Variants in CCDC178 observed in about 807,000 individuals in gnomAD.
CCDC178 encodes the protein coiled-coil domain containing 178.
A neutral mutation model predicts 117.4 loss-of-function variants in CCDC178; 126 were observed. The ratio of observed to expected loss-of-function variants is 1.07; its 90% CI spans 0.93 to 1.24. The LOEUF is 1.24. Ranked by LOEUF, CCDC178 falls within the 50% of genes most tolerant of loss-of-function variation. The pLI, the probability that CCDC178 is intolerant of heterozygous loss-of-function variation, is 0.00. For missense variants in CCDC178, 1,030 were observed against 986.9 expected (o/e 1.04, Z -0.59); for synonymous variants, 283 against 313.4 (o/e 0.90, Z 1.02).
At chr18:33,437,050 T>C (rs1463010356) in intron 2 of CCDC178, among the ~76,000 whole-genome samples, 2 of 152,196 alleles carry the variant, frequency 1.3e-5, no homozygotes, top group South Asian at 2.1e-4. Context: ...ACCGAGCAAA[T>C]GGAGTTTCTT....
intron 15 of CCDC178, among the ~76,000 whole-genome samples, chr18:33,241,429 CGTGTGT>C (rs60878431): frequency 0.77 from 111,170 of 144,890 alleles, 43,061 homozygotes; most frequent in East Asian, 0.94. Flanking sequence ...ATTATATGAT[CGTGTGT>C]GTGTGTGTGT....
intron 21 of CCDC178, among the ~76,000 whole-genome samples, chr18:33,077,507 AAAT>A (rs1003096303): frequency 1.3e-3 from 197 of 152,224 alleles, no homozygotes; most frequent in African/African-American, 4.5e-3. Flanking sequence ...TTTTTGAAAA[AAAT>A]AATAATATAG....
intron 20 of CCDC178, among the ~76,000 whole-genome samples, chr18:33,170,819 T>C (rs914256247): frequency 1.3e-5 from 2 of 152,188 alleles, no homozygotes; most frequent in African/African-American, 2.4e-5. Flanking sequence ...GAGAACCAAT[T>C]AAATAGATGT....
At chr18:33,079,942 T>C (rs1463391432) in intron 21 of CCDC178, among the ~76,000 whole-genome samples, 2 of 152,184 alleles carry the variant, frequency 1.3e-5, no homozygotes, top group East Asian at 1.9e-4. Context: ...CCCAGAGGAA[T>C]AGAAATCATT....
intron 11 of CCDC178, among the ~76,000 whole-genome samples, chr18:33,302,897 A>G (rs969974081): frequency 1.3e-5 from 2 of 152,124 alleles, no homozygotes; most frequent in African/African-American, 4.8e-5. Context: ...AGATTTTTCA[A>G]AGGATACACA....
intron 4 of CCDC178, among the ~76,000 whole-genome samples, chr18:33,396,935 G>A (rs956151041): frequency 2.1e-4 from 32 of 151,904 alleles, no homozygotes; most frequent in African/African-American, 3.1e-4. Flanking sequence ...TATTCAAAAC[G>A]AAAAAGGAAA....
chr18:33,306,580 T>TTA (rs1355070611), intron 11 of CCDC178, among the ~76,000 whole-genome samples: 3 of 147,890 alleles, frequency 2.0e-5, no homozygotes, highest in Non-Finnish European at 4.5e-5. Context: ...TAATATATGG[T>TTA]TATATATATG....
At chr18:33,293,964 GA>G (rs1213563155) in intron 11 of CCDC178, among the ~76,000 whole-genome samples, 1 of 151,488 alleles carries the variant, frequency 6.6e-6, no homozygotes, top group Non-Finnish European at 1.5e-5. Flanking sequence ...GAAAGGTAAG[GA>G]AAAAAAAGAT....
At chr18:33,141,370 C>G (rs1348414867) in intron 20 of CCDC178, among the ~76,000 whole-genome samples, 1 of 152,126 alleles carries the variant, frequency 6.6e-6, no homozygotes, top group Non-Finnish European at 1.5e-5. Flanking sequence ...AAATGTATCT[C>G]TGGCCTAGCC....
intron 21 of CCDC178, among the ~76,000 whole-genome samples, chr18:33,005,853 G>A (rs913204078): frequency 1.3e-5 from 2 of 152,014 alleles, no homozygotes; most frequent in Non-Finnish European, 2.9e-5. Context: ...CCTACCAGTA[G>A]TGAAAACCTG....
At chr18:33,138,665 C>G (rs761374561) in intron 20 of CCDC178, among the ~76,000 whole-genome samples, 1 of 152,142 alleles carries the variant, frequency 6.6e-6, no homozygotes, top group African/African-American at 2.4e-5. Flanking sequence ...TATTTCATTT[C>G]ATTCATAATT....
At chr18:33,224,753 T>C (rs768039911) in intron 17 of CCDC178, 22 bp downstream of exon 17, 1 of 1,395,602 alleles carries the variant, frequency 7.2e-7, no homozygotes, top group Admixed American at 2.6e-5. Flanking sequence ...CACATTAATT[T>C]TTGGATTAAT....
In CCDC178 at chr18:33,085,339, G is replaced by A. The variant is rs372982808; in HGVS notation, c.2388+7422C>T. Among the ~76,000 whole-genome samples, 24 of 152,250 alleles carry A rather than the reference G, an allele frequency of 1.6e-4. No individual in the cohort carries two copies. In the East Asian group the frequency reaches 2.9e-3, roughly 18 times the overall value. On this transcript the variant is annotated intron_variant, in intron 21 of 22. Coordinates refer to ENST00000383096, the MANE Select transcript of CCDC178 (RefSeq NM_001105528.4). The stretch of plus-strand genomic sequence containing the variant: ...GGCACTTTGGGAGGCCGAGGCGGGC[G>A]GATCACGAGGTCAGGGGATCGAGAC...
At chr18:33,367,046 A>G (rs371690428) in intron 6 of CCDC178, among the ~76,000 whole-genome samples, 5 of 152,012 alleles carry the variant, frequency 3.3e-5, no homozygotes, top group African/African-American at 7.2e-5. Context: ...CCCAGCGCAC[A>G]TTCATATTTA....
intron 21 of CCDC178, among the ~76,000 whole-genome samples, chr18:33,088,287 T>TG (rs1477229629): frequency 2.0e-5 from 3 of 151,320 alleles, no homozygotes; most frequent in Non-Finnish European, 2.9e-5. Context: ...CTTTTTATAT[T>TG]TCATATAAAA....
At chr18:33,066,261 A>T (rs141987082) in intron 21 of CCDC178, among the ~76,000 whole-genome samples, 5 of 152,212 alleles carry the variant, frequency 3.3e-5, no homozygotes, top group Non-Finnish European at 5.9e-5. Context: ...TCTAAAGGGA[A>T]TCCTACATCT....
At chr18:32,996,243 A>G (rs1450822718) in intron 21 of CCDC178, among the ~76,000 whole-genome samples, 1 of 152,030 alleles carries the variant, frequency 6.6e-6, no homozygotes, top group East Asian at 1.9e-4. Flanking sequence ...CTGTAGTAAT[A>G]AAGTTACAAA....
chr18:33,181,752 T>C (rs1377587892), intron 20 of CCDC178, among the ~76,000 whole-genome samples: 2 of 151,878 alleles, frequency 1.3e-5, no homozygotes, highest in Admixed American at 6.6e-5. Flanking sequence ...TGATTGAATT[T>C]AGGGAGTGCC....
chr18:33,003,852 T>C (rs1322715373), intron 21 of CCDC178, among the ~76,000 whole-genome samples: 2 of 151,980 alleles, frequency 1.3e-5, no homozygotes, highest in Non-Finnish European at 2.9e-5. Context: ...AAAATCAACA[T>C]ACAAAAATCT....
Sources: gnomAD v4.1 joint callset for allele counts (sites outside exome capture counted in the v4.1 genomes callset) on GRCh38, gnomAD v4.1.1 for gene constraint, MANE v1.5 for transcripts, NCBI Gene and HGNC (gene_info 2026-07-23, HGNC 2026-07-21) for gene names.